The following PRKG1 variants were observed in gnomAD, a reference collection of about 807,000 sequenced individuals.
PRKG1 encodes protein kinase cGMP-dependent 1.
PRKG1 carries 35 observed loss-of-function variants against 88.1 expected under a neutral mutation model. That is an observed-to-expected ratio of 0.40 (90% CI 0.30 to 0.53). The LOEUF is 0.53. Among genes scored for constraint, PRKG1 ranks in the 20% least tolerant of loss-of-function variants. PRKG1 has a pLI of 0.59. For synonymous variants in PRKG1, 303 were observed against 292.5 expected, an observed-to-expected ratio of 1.04 and a Z score of -0.37; for missense variants, 540 against 839.8, an observed-to-expected ratio of 0.64 and a Z score of 4.41.
At chr10:52,171,125 G>GT (rs768183110) in intron 9 of PRKG1, among the ~76,000 whole-genome samples, 24 of 79,942 alleles carry the variant, frequency 3.0e-4, no homozygotes, top group Admixed American at 1.3e-3. Context: ...TTATTGGTGT[G>GT]TTTTTTTTTT....
intron 3 of PRKG1, among the ~76,000 whole-genome samples, chr10:51,749,245 G>A (rs537167203): frequency 6.6e-6 from 1 of 152,274 alleles, no homozygotes; most frequent in South Asian, 2.1e-4. Context: ...TTTCAGTTCT[G>A]TCTTAGTCAG....
intron 3 of PRKG1, among the ~76,000 whole-genome samples, chr10:51,512,365 C>T (rs1011490092): frequency 8.2e-6 from 1 of 121,860 alleles, no homozygotes; most frequent in Non-Finnish European, 1.6e-5. Context: ...CCACCACAGT[C>T]TCCAGAGTGT....
chr10:51,607,454 A>T (rs187448674), intron 3 of PRKG1, among the ~76,000 whole-genome samples: 5 of 152,334 alleles, frequency 3.3e-5, no homozygotes, highest in African/African-American at 9.6e-5. Flanking sequence ...TCTCAGTAGC[A>T]GCTAGGTGAG....
At chr10:51,269,654 A>G (rs1484666686) in intron 2 of PRKG1, among the ~76,000 whole-genome samples, 1 of 152,174 alleles carries the variant, frequency 6.6e-6, no homozygotes, top group South Asian at 2.1e-4. Context: ...TACAAGTGGA[A>G]GCTAAACTAT....
intron 3 of PRKG1, among the ~76,000 whole-genome samples, chr10:51,722,508 A>T (rs1842038060): frequency 6.6e-6 from 1 of 151,882 alleles, no homozygotes; most frequent in African/African-American, 2.4e-5. Flanking sequence ...CTGTTTTATA[A>T]GTGTCTTTAC....
intron 1 of PRKG1, among the ~76,000 whole-genome samples, chr10:51,055,130 T>C (rs1276738612): frequency 1.3e-5 from 2 of 152,206 alleles, no homozygotes; most frequent in Non-Finnish European, 2.9e-5. Flanking sequence ...TTGGCTACTT[T>C]GTCTGATTTA....
intron 3 of PRKG1, among the ~76,000 whole-genome samples, chr10:51,618,557 G>C (rs1169856177): frequency 6.6e-6 from 1 of 151,972 alleles, no homozygotes. Flanking sequence ...ACTCACTTTA[G>C]TACTAACAAC....
At chr10:51,651,826 C>T (rs1194339056) in intron 3 of PRKG1, among the ~76,000 whole-genome samples, 1 of 152,144 alleles carries the variant, frequency 6.6e-6, no homozygotes, top group Non-Finnish European at 1.5e-5. Flanking sequence ...TCGTGATCCA[C>T]CTGCCTCAGC....
chr10:51,750,413 G>T (rs960935068), intron 3 of PRKG1, among the ~76,000 whole-genome samples: 2 of 152,102 alleles, frequency 1.3e-5, no homozygotes, highest in Non-Finnish European at 2.9e-5. Context: ...TAACAATTTT[G>T]CCTTTACGGA....
At chr10:51,349,854 C>A (rs1842202445) in intron 2 of PRKG1, among the ~76,000 whole-genome samples, 1 of 152,008 alleles carries the variant, frequency 6.6e-6, no homozygotes, top group East Asian at 1.9e-4. Flanking sequence ...TAGAGATTCT[C>A]AGTGGAGTAC....
chr10:51,034,635 A>G (rs1843327278), intron 1 of PRKG1, among the ~76,000 whole-genome samples: 1 of 127,540 alleles, frequency 7.8e-6, no homozygotes, highest in African/African-American at 2.9e-5. Flanking sequence ...GCCCTAAACA[A>G]TCAAATAAGC....
intron 3 of PRKG1, among the ~76,000 whole-genome samples, chr10:51,635,394 A>G (rs1328471722): frequency 6.6e-6 from 1 of 152,126 alleles, no homozygotes; most frequent in South Asian, 2.1e-4. Context: ...TTTTTATATT[A>G]AAACATGTAT....
At chr10:51,587,291 T>G (rs1394479367) in intron 3 of PRKG1, among the ~76,000 whole-genome samples, 1 of 152,124 alleles carries the variant, frequency 6.6e-6, no homozygotes, top group Non-Finnish European at 1.5e-5. Context: ...GAAAGGGAAT[T>G]TTTCCTAAAG....
chr10:51,560,373 A>G (rs1372785014), intron 3 of PRKG1, among the ~76,000 whole-genome samples: 4 of 152,142 alleles, frequency 2.6e-5, no homozygotes, highest in African/African-American at 9.7e-5. Flanking sequence ...AGTAAACTTG[A>G]TTTAATAGAT....
chr10:51,924,952 G>GC (rs1468322041), intron 5 of PRKG1, among the ~76,000 whole-genome samples: 1 of 141,052 alleles, frequency 7.1e-6, no homozygotes, highest in East Asian at 2.2e-4. Flanking sequence ...ATGTTGCCTA[G>GC]TTTTTTTTTT....
intron 1 of PRKG1, among the ~76,000 whole-genome samples, chr10:51,065,850 A>ATTAGGG: frequency 6.6e-6 from 1 of 152,254 alleles, no homozygotes; most frequent in African/African-American, 2.4e-5. Flanking sequence ...TTATGCAAAT[A>ATTAGGG]TTAGGGTTAG....
At chr10:51,939,998 T>C (rs564107906) in intron 5 of PRKG1, among the ~76,000 whole-genome samples, 3 of 151,932 alleles carry the variant, frequency 2.0e-5, no homozygotes, top group Non-Finnish European at 4.4e-5. Flanking sequence ...ATTTGTTTCA[T>C]ACTGCCTTTG....
chr10:51,504,686 T>C (rs1047735392), intron 3 of PRKG1, among the ~76,000 whole-genome samples: 5 of 152,062 alleles, frequency 3.3e-5, no homozygotes, highest in African/African-American at 4.8e-5. Flanking sequence ...AGGTCCTTCA[T>C]GTCCCTTGGA....
At chr10:51,625,351 C>T (rs1259619328) in intron 3 of PRKG1, among the ~76,000 whole-genome samples, 2 of 152,122 alleles carry the variant, frequency 1.3e-5, no homozygotes, top group Non-Finnish European at 2.9e-5. Context: ...GTGATGGGCA[C>T]CTGTAATCCC....
Sources: gnomAD v4.1 joint callset for allele counts (sites outside exome capture counted in the v4.1 genomes callset) on GRCh38, gnomAD v4.1.1 for gene constraint, MANE v1.5 for transcripts, NCBI Gene and HGNC (gene_info 2026-07-23, HGNC 2026-07-21) for gene names.